Variants in METTL22 observed in about 807,000 individuals in gnomAD.
The protein encoded by METTL22 is methyltransferase-like protein 22.
In METTL22, 51 loss-of-function variants were observed where a neutral mutation model predicts 48.4. The observed-to-expected ratio is 1.05, with a 90% CI of 0.84 to 1.33. METTL22 has a LOEUF of 1.33. Ranked by LOEUF, METTL22 falls within the 40% of genes most tolerant of loss-of-function variation. The probability of loss-of-function intolerance (pLI) is 0.00; values close to 1 mark genes in which losing one functional copy is unlikely to be tolerated. For synonymous variants in METTL22, 255 were observed against 214.1 expected, an observed-to-expected ratio of 1.19 and a Z score of -1.67; for missense variants, 678 against 526.9, an observed-to-expected ratio of 1.29 and a Z score of -2.81.
chr16:8,632,248 C>G (rs1484785153), intron 3 of METTL22: 1 of 152,228 alleles, frequency 6.6e-6, no homozygotes, highest in Non-Finnish European at 1.5e-5. Flanking sequence ...GCCTCTTGTT[C>G]TCTCCCTTAT....
chr16:8,639,429 TC>T, intron 6 of METTL22: 1 of 528,298 alleles, frequency 1.9e-6, no homozygotes, highest in Non-Finnish European at 3.4e-6. Flanking sequence ...TGAGCTGGTC[TC>T]CCCAGCTCCT....
In METTL22 at chr16:8,648,875, T is replaced by C. The variant is rs79872451; in HGVS notation, c.*2732T>C. The stretch of plus-strand genomic sequence containing the variant: ...GACCCTGGGTGATTTGTGTGCACAG[T>C]AGTTTGAGAAGCTCTGGGGCCTACC... On this transcript the variant is annotated 3_prime_UTR_variant, in exon 11 of 11. Coordinates refer to ENST00000381920, the MANE Select transcript of METTL22 (RefSeq NM_024109.4). 1 of 152,388 alleles carries C rather than the reference T, an allele frequency of 6.6e-6. No individual in the cohort carries two copies. The highest frequency in any genetic ancestry group is 1.5e-5 in the Non-Finnish European group (1 of 68,044). 9.4% of individuals were successfully genotyped at this position (152,388 alleles called of 1,614,324 possible). A position where few individuals can be genotyped will look rare whatever the true frequency, so the allele number is the denominator to read the frequency against.
At position 8,635,290 on chromosome 16, in the gene METTL22, G is replaced by A; in HGVS notation, c.678G>A (p.Met226Ile). 1.9e-6 allele frequency: 3 copies of A among 1,588,634 alleles called. No individual in the cohort carries two copies. Among genetic ancestry groups the A allele is most frequent in the Non-Finnish European group, 2.6e-6 (3 of 1,168,376 alleles). The change falls in exon 5 of 11, where the codon ATG becomes ATA. Residue 226 changes from methionine to isoleucine, a missense_variant. Physicochemically the swap from Met to Ile is conservative, Grantham distance 10. Coordinates refer to ENST00000381920, the MANE Select transcript of METTL22 (RefSeq NM_024109.4). ...TGLASIIAAT[M>I]ARTVYCTDVG... Reference sequence around the variant, plus strand: ...TCGCTAGCATCATCGCAGCCACCATGGCACGGACCGTTTATTGTACAGGTA... The same window carrying A: ...TCGCTAGCATCATCGCAGCCACCATAGCACGGACCGTTTATTGTACAGGTA...
In METTL22 at chr16:8,646,402, G is replaced by A. The variant is rs1379612575; in HGVS notation, c.*259G>A. Reference sequence around the variant, plus strand: ...GTGATGTGTGCTCCAGGGTCAAGCCGAGCCACGTTCCTTCTCAGCTCAGTT... The same window carrying A: ...GTGATGTGTGCTCCAGGGTCAAGCCAAGCCACGTTCCTTCTCAGCTCAGTT... On this transcript the variant is annotated 3_prime_UTR_variant, in exon 11 of 11. Coordinates refer to ENST00000381920, the MANE Select transcript of METTL22 (RefSeq NM_024109.4). 4 of 679,536 alleles carry A rather than the reference G, an allele frequency of 5.9e-6. No homozygotes were observed. The highest frequency in any genetic ancestry group is 2.9e-5 in the East Asian group (1 of 35,084). The allele number at this position is 679,536 out of a possible 1,614,324, so 42.1% of individuals were successfully genotyped here.
At chr16:8,633,008 G>T (rs559139460) in intron 3 of METTL22, among the ~76,000 whole-genome samples, 7 of 152,242 alleles carry the variant, frequency 4.6e-5, no homozygotes, top group African/African-American at 1.7e-4. Flanking sequence ...GGAGCAGATG[G>T]CAAGGAGGAA....
chr16:8,644,335 C>A, intron 9 of METTL22: 1 of 418,730 alleles, frequency 2.4e-6, no homozygotes, highest in African/African-American at 2.0e-5. Flanking sequence ...CTTTCTGAGC[C>A]TGTTTCCACA....
downstream of METTL22, among the ~76,000 whole-genome samples, chr16:8,651,087 G>T (rs1013841473): frequency 1.3e-5 from 2 of 151,690 alleles, no homozygotes; most frequent in Admixed American, 1.3e-4. Flanking sequence ...CAGAATTATT[G>T]TAAAGATCAT....
intron 5 of METTL22, among the ~76,000 whole-genome samples, chr16:8,637,060 A>AAT (rs1372665584): frequency 3.9e-5 from 6 of 152,228 alleles, no homozygotes; most frequent in Non-Finnish European, 7.3e-5. Flanking sequence ...ACCTGTTTAC[A>AAT]AGAGAGTAGT....
intron 1 of METTL22, among the ~76,000 whole-genome samples, chr16:8,622,689 T>A (rs905904562): frequency 6.6e-6 from 1 of 152,216 alleles, no homozygotes; most frequent in Non-Finnish European, 1.5e-5. Flanking sequence ...GTTTACTATA[T>A]GTCGTAAGCC....
the METTL22 span, among the ~76,000 whole-genome samples, chr16:8,662,105 A>G: frequency 0.75 from 108,870 of 144,260 alleles, 45,738 homozygotes; most frequent in East Asian, 0.99. Flanking sequence ...AGCTGGGTGC[A>G]GTGGCACGTG....
chr16:8,663,563 C>T, the METTL22 span, among the ~76,000 whole-genome samples: 3 of 144,640 alleles, frequency 2.1e-5, no homozygotes, highest in East Asian at 6.0e-4. Context: ...CAGGTGGGGG[C>T]CCCACCTGGA....
chr16:8,645,299 C>G (rs1352775521), intron 10 of METTL22, among the ~76,000 whole-genome samples: 1 of 152,194 alleles, frequency 6.6e-6, no homozygotes, highest in African/African-American at 2.4e-5. Flanking sequence ...TCACGAGGAG[C>G]TGCCGCCCTT....
At chr16:8,652,070 G>T (rs2056907371), downstream of METTL22, among the ~76,000 whole-genome samples, 1 of 152,204 alleles carries the variant, frequency 6.6e-6, no homozygotes, top group African/African-American at 2.4e-5. Flanking sequence ...GCTGATCCCA[G>T]CTCCACTCCA....
intron 6 of METTL22, 118 bp from the exon 7 acceptor site, chr16:8,641,013 G>T (rs1350658739): frequency 2.2e-6 from 2 of 900,644 alleles, no homozygotes; most frequent in Non-Finnish European, 3.5e-6. Context: ...AAGGTGGATG[G>T]GTGAGAGCAA....
At chr16:8,641,430 T>G (rs944217620) in intron 7 of METTL22, 3 of 608,810 alleles carry the variant, frequency 4.9e-6, no homozygotes, top group Admixed American at 4.3e-5. Flanking sequence ...TGTGGTAGCA[T>G]GATAATCCCT....
downstream of METTL22, among the ~76,000 whole-genome samples, chr16:8,650,559 T>C (rs2056879751): frequency 6.6e-6 from 1 of 152,248 alleles, no homozygotes; most frequent in South Asian, 2.1e-4. Flanking sequence ...TTAGCAACAA[T>C]ATATTGTGTA....
At chr16:8,657,293 T>G in the METTL22 span, among the ~76,000 whole-genome samples, 1 of 152,288 alleles carries the variant, frequency 6.6e-6, no homozygotes, top group Admixed American at 6.5e-5. Flanking sequence ...GTATCTTGCA[T>G]TTGAAAACCA....
chr16:8,623,246 G>A (rs1456775717), intron 1 of METTL22, among the ~76,000 whole-genome samples: 1 of 151,880 alleles, frequency 6.6e-6, no homozygotes, highest in Non-Finnish European at 1.5e-5. Context: ...AGGAGGCGGA[G>A]GTTGTAGTGA....
downstream of METTL22, among the ~76,000 whole-genome samples, chr16:8,650,271 C>T (rs1399949224): frequency 6.6e-6 from 1 of 152,244 alleles, no homozygotes; most frequent in African/African-American, 2.4e-5. Context: ...CTGCAGTGAA[C>T]TGTGATTGTG....
Sources: gnomAD v4.1 joint callset for allele counts (sites outside exome capture counted in the v4.1 genomes callset) on GRCh38, gnomAD v4.1.1 for gene constraint, MANE v1.5 for transcripts, NCBI Gene and HGNC (gene_info 2026-07-23, HGNC 2026-07-21) for gene names.